The following ECHDC3 variants were observed in gnomAD, a reference collection of about 807,000 sequenced individuals.
ECHDC3 encodes the protein enoyl-CoA hydratase domain-containing protein 3, mitochondrial.
In ECHDC3, 20 loss-of-function variants were observed where a neutral mutation model predicts 17.9. The ratio of observed to expected loss-of-function variants is 1.12; its 90% CI spans 0.79 to 1.63. ECHDC3 has a LOEUF of 1.63. Among genes scored for constraint, ECHDC3 ranks in the 40% most tolerant of loss-of-function variants. ECHDC3 has a pLI of 0.00. For synonymous variants in ECHDC3, 177 were observed against 149.7 expected (o/e 1.18, Z -1.33); for missense variants, 407 against 357.7 (o/e 1.14, Z -1.11).
At position 11,763,684 on chromosome 10, in the gene ECHDC3, C is replaced by T; in HGVS notation, c.*140C>T. On this transcript the variant is annotated 3_prime_UTR_variant, in exon 5 of 5. Coordinates refer to ENST00000379215, the MANE Select transcript of ECHDC3 (RefSeq NM_024693.5). This position sits in a 1 kb window ranked among gnomAD's most constrained non-coding sequence, Gnocchi z 4.9. ...TATTGGTGTCATAGCATTTGGCCTA[C>T]ATTAAAAGCCACAATTTCATGGGGA... 7.0e-7 allele frequency: 1 copy of T among 1,426,322 alleles called. No individual in the cohort carries two copies. The highest frequency in any genetic ancestry group is 9.1e-7 in the Non-Finnish European group (1 of 1,094,410). 88.4% of individuals were successfully genotyped at this position (1,426,322 alleles called of 1,614,324 possible).
chr10:11,746,026 GC>G (rs1216104491), intron 1 of ECHDC3, among the ~76,000 whole-genome samples: 1 of 152,098 alleles, frequency 6.6e-6, no homozygotes, highest in Non-Finnish European at 1.5e-5. Context: ...CTTACAGGAT[GC>G]CACTGTAAGA....
In ECHDC3 at chr10:11,755,510, G is replaced by A. The variant is rs201352428; in HGVS notation, c.493G>A (p.Val165Met). The change falls in exon 4 of 5, where the codon GTG (valine) becomes ATG (methionine). Residue 165 changes from valine to methionine, a missense_variant. Transcript: ENST00000379215. ...ACTGGTTGCCAGCTGCGACATTGCCGTGGCGAGCGACAAGTCCTCTTTTGC... is the reference window on the plus strand; with the variant it reads ...ACTGGTTGCCAGCTGCGACATTGCCATGGCGAGCGACAAGTCCTCTTTTGC... ...CQLVASCDIA[V>M]ASDKSSFATP... The A allele has an allele frequency of 3.3e-5, 53 of 1,613,956 alleles. No individual in the cohort carries two copies. In the Admixed American group the frequency reaches 3.3e-4, roughly 10 times the overall value.
Position 11,747,408 on chromosome 10 carries a change from C to A in ECHDC3, c.230C>A (p.Ser77Tyr), listed in dbSNP as rs767063336. 4 of 1,613,870 alleles carry A rather than the reference C, an allele frequency of 2.5e-6. No homozygotes were observed. In the East Asian group the frequency reaches 8.9e-5, roughly 36 times the overall value. Residue 77 changes from serine to tyrosine, a missense_variant, in exon 2 of 5, where the codon TCT becomes TAT. Transcript: ENST00000379215. ...GCGTTGTCACTTGCAATGCTGAAGTCTCTCCAAAGTGACATTCTTCATGAC... is the reference window on the plus strand; with the variant it reads ...GCGTTGTCACTTGCAATGCTGAAGTATCTCCAAAGTGACATTCTTCATGAC... ...RNALSLAMLK[S>Y]LQSDILHDAD...
At chr10:11,743,637 C>T (rs543455115) in intron 1 of ECHDC3, among the ~76,000 whole-genome samples, 1 of 152,344 alleles carries the variant, frequency 6.6e-6, no homozygotes, top group African/African-American at 2.4e-5. Flanking sequence ...TTGGGGTGCC[C>T]ACAGCAGGGG....
intron 4 of ECHDC3, among the ~76,000 whole-genome samples, chr10:11,758,054 T>G (rs1051045078): frequency 1.3e-5 from 2 of 152,066 alleles, no homozygotes; most frequent in Non-Finnish European, 2.9e-5. Flanking sequence ...GGCAGGAAGT[T>G]GGGCCTGTCT....
intron 4 of ECHDC3, among the ~76,000 whole-genome samples, chr10:11,757,590 C>T (rs980966215): frequency 1.2e-4 from 2 of 16,906 alleles, no homozygotes; most frequent in Non-Finnish European, 8.3e-3. Context: ...GCCTCTAAAT[C>T]ACTCAACTGG....
intron 2 of ECHDC3, among the ~76,000 whole-genome samples, chr10:11,749,256 A>G (rs1832796972): frequency 6.6e-6 from 1 of 152,182 alleles, no homozygotes. Flanking sequence ...ATCATTTTCC[A>G]TGAAGAAATT....
chr10:11,758,469 G>A (rs538744401), intron 4 of ECHDC3, among the ~76,000 whole-genome samples: 2 of 152,300 alleles, frequency 1.3e-5, no homozygotes, highest in South Asian at 4.1e-4. Flanking sequence ...AACAGAGTGG[G>A]GTTTCCAAGC....
chr10:11,753,634 C>A (rs1832852946), intron 3 of ECHDC3, among the ~76,000 whole-genome samples: 1 of 152,124 alleles, frequency 6.6e-6, no homozygotes, highest in Non-Finnish European at 1.5e-5. Flanking sequence ...GGATTTCTTC[C>A]CCTTGTTATT....
At position 11,755,575 on chromosome 10, in the gene ECHDC3, T is replaced by G; in HGVS notation, c.558T>G (p.Pro186=). The G allele has an allele frequency of 1.2e-6, 2 of 1,613,876 alleles. No individual in the cohort carries two copies. The highest frequency in any genetic ancestry group is 8.5e-7 in the Non-Finnish European group (1 of 1,179,922). ...ACGTCGGGCTCTTCTGTTCTACCCC[T>G]GGGGTTGCCTTGGCAAGAGCAGTGC... ...GVNVGLFCST[P]GVALARAVPR... Residue 186 remains proline, a synonymous_variant, in exon 4 of 5, where the codon CCT becomes CCG. Transcript: ENST00000379215.
intron 4 of ECHDC3, among the ~76,000 whole-genome samples, chr10:11,756,387 CAAGCA>C (rs1239215821): frequency 1.3e-5 from 2 of 152,140 alleles, no homozygotes; most frequent in South Asian, 2.1e-4. Context: ...TAGACCACAC[CAAGCA>C]AAGAAGCTAA....
chr10:11,746,872 T>A (rs982203438), intron 1 of ECHDC3, among the ~76,000 whole-genome samples: 6 of 152,052 alleles, frequency 3.9e-5, no homozygotes, highest in Non-Finnish European at 8.8e-5. Context: ...GAGGTGGAGG[T>A]TGCAGTGAGC....
chr10:11,744,929 G>A (rs983588058), intron 1 of ECHDC3, among the ~76,000 whole-genome samples: 8 of 152,168 alleles, frequency 5.3e-5, no homozygotes, highest in East Asian at 1.9e-4. Flanking sequence ...CAAAGTCATC[G>A]GTGAAGTTGC....
At chr10:11,750,755 A>G (rs1832813900) in intron 3 of ECHDC3, among the ~76,000 whole-genome samples, 1 of 152,226 alleles carries the variant, frequency 6.6e-6, no homozygotes, top group African/African-American at 2.4e-5. Context: ...TGCCTCTAAG[A>G]TAGTTTAACC....
chr10:11,755,208 C>A, intron 3 of ECHDC3, 200 bp from the exon 4 acceptor site: 1 of 502,892 alleles, frequency 2.0e-6, no homozygotes, highest in Non-Finnish European at 3.5e-6. Flanking sequence ...TGCCTGTAGT[C>A]CCAGCTACTC....
At position 11,747,438 on chromosome 10, in the gene ECHDC3, A is replaced by T; in HGVS notation, c.260A>T (p.Asp87Val). The part of the protein sequence containing the change: ...SLQSDILHDA[D>V]SNDLKVIIIS... Reference sequence around the variant, plus strand: ...CAAAGTGACATTCTTCATGACGCTGACAGCAACGATCTGAAAGTCATTATC... The same window carrying T: ...CAAAGTGACATTCTTCATGACGCTGTCAGCAACGATCTGAAAGTCATTATC... The change falls in exon 2 of 5, where the codon GAC becomes GTC. Residue 87 changes from aspartate (D) to valine (V), a missense_variant. Coordinates refer to ENST00000379215, the MANE Select transcript of ECHDC3 (RefSeq NM_024693.5). 8 of 1,614,090 alleles carry T rather than the reference A, an allele frequency of 5.0e-6. No individual in the cohort carries two copies. Among genetic ancestry groups the T allele is most frequent in the Non-Finnish European group, 6.8e-6 (8 of 1,180,012 alleles).
At chr10:11,745,054 A>G (rs1832745383) in intron 1 of ECHDC3, among the ~76,000 whole-genome samples, 1 of 152,248 alleles carries the variant, frequency 6.6e-6, no homozygotes, top group African/African-American at 2.4e-5. Flanking sequence ...CAAAACAACC[A>G]GGAGAGAAGA....
Position 11,749,087 on chromosome 10 carries a change from T to C in ECHDC3, c.293-408T>C, listed in dbSNP as rs568100335. Among the ~76,000 whole-genome samples the C allele has an allele frequency of 8.4e-4, 128 of 152,300 alleles. 2 individuals are homozygous for C. Among genetic ancestry groups the C allele is most frequent in the African/African-American group, 2.5e-3 (104 of 41,576 alleles). On this transcript the variant is annotated intron_variant, in intron 2 of 4. Transcript: ENST00000379215. ...AGCCATGACGGCTGGCCACTACTTG[T>C]AGATGAAATGACATGGACACTGCCT...
rs779426540 is a variant in ECHDC3, at chr10:11,763,216, C to A, written c.592-8C>A. On this transcript the variant is annotated splice_region_variant and splice_polypyrimidine_tract_variant and intron_variant, in intron 4 of 4. Coordinates refer to ENST00000379215, the MANE Select transcript of ECHDC3 (RefSeq NM_024693.5). This position sits in a 1 kb window ranked among gnomAD's most constrained non-coding sequence, Gnocchi z 4.9. Reference sequence around the variant, plus strand: ...AGCACCTCAGTGACATCCCGTGTCTCCCCGTAGGTGGCCTTGGAGATGCTC... The same window carrying A: ...AGCACCTCAGTGACATCCCGTGTCTACCCGTAGGTGGCCTTGGAGATGCTC... The A allele has an allele frequency of 1.3e-6, 1 of 768,632 alleles. No homozygotes were observed. The highest frequency in any genetic ancestry group is 2.4e-5 in the East Asian group (1 of 41,140). 47.6% of individuals were successfully genotyped at this position (768,632 alleles called of 1,614,324 possible).
Sources: gnomAD v4.1 joint callset for allele counts (sites outside exome capture counted in the v4.1 genomes callset) on GRCh38, gnomAD v4.1.1 for gene constraint, Gnocchi (gnomAD v3.1) non-coding constraint, MANE v1.5 for transcripts, NCBI Gene and HGNC (gene_info 2026-07-23, HGNC 2026-07-21) for gene names.